Variants in PDK3 observed in about 807,000 individuals in gnomAD.
The protein encoded by PDK3 is pyruvate dehydrogenase kinase 3, also known as pyruvate dehydrogenase kinase, isozyme 3.
A neutral mutation model predicts 32.0 loss-of-function variants in PDK3; 12 were observed. The ratio of observed to expected loss-of-function variants is 0.37; its 90% CI spans 0.24 to 0.61. The LOEUF is 0.61. Among genes scored for constraint, PDK3 ranks in the 20% least tolerant of loss-of-function variants. The probability of loss-of-function intolerance (pLI) is 0.65; values close to 1 mark genes in which losing one functional copy is unlikely to be tolerated. For missense variants in PDK3, 188 were observed against 316.9 expected (o/e 0.59, Z 3.09); for synonymous variants, 122 against 116.3 (o/e 1.05, Z -0.31).
chrX:24,481,938 C>G (rs770063545), intron 1 of PDK3, among the ~76,000 whole-genome samples: 2 of 112,241 alleles, frequency 1.8e-5, no homozygotes, highest in East Asian at 5.6e-4. Flanking sequence ...AAGGAAGAGA[C>G]TATGCCAGTC....
chrX:24,480,858 A>G (rs1246053054), intron 1 of PDK3, among the ~76,000 whole-genome samples: 1 of 111,578 alleles, frequency 9.0e-6, no homozygotes, highest in Non-Finnish European at 1.9e-5. Flanking sequence ...AGGATGAATC[A>G]TATAATTTTG....
At chrX:24,483,393 C>G (rs1921310393) in intron 1 of PDK3, among the ~76,000 whole-genome samples, 1 of 111,856 alleles carries the variant, frequency 8.9e-6, no homozygotes, top group Non-Finnish European at 1.9e-5. Flanking sequence ...CTGCATAGTG[C>G]TTGTTACTCA....
At chrX:24,525,212 G>A (rs1037585382) in intron 6 of PDK3, among the ~76,000 whole-genome samples, 6 of 111,498 alleles carry the variant, frequency 5.4e-5, no homozygotes, top group African/African-American at 2.0e-4. Context: ...TCGGGATTTA[G>A]ACTCAAAAGC....
At chrX:24,501,643 C>T (rs187444708) in intron 3 of PDK3, among the ~76,000 whole-genome samples, 1 of 112,536 alleles carries the variant, frequency 8.9e-6, no homozygotes, top group Admixed American at 9.4e-5. Flanking sequence ...ACGCGGGAGG[C>T]AGAGGTTGCA....
Position 24,529,859 on chromosome X carries a change from C to T in PDK3, c.963+1673C>T, listed in dbSNP as rs537151939. On this transcript the variant is annotated intron_variant, in intron 9 of 10. Coordinates refer to ENST00000379162, the MANE Select transcript of PDK3 (RefSeq NM_005391.5). Reference sequence around the variant, plus strand: ...AAAACATAATTTCCTCATTGAGCAACTTACACTTTTACACCTTTTACACCT... The same window carrying T: ...AAAACATAATTTCCTCATTGAGCAATTTACACTTTTACACCTTTTACACCT... 1.6e-4 allele frequency among the ~76,000 whole-genome samples: 18 copies of T among 112,020 alleles called. No homozygotes were observed. In the South Asian group the frequency reaches 6.3e-3, roughly 39 times the overall value.
intron 5 of PDK3, among the ~76,000 whole-genome samples, chrX:24,514,562 G>T (rs1922205767): frequency 8.9e-6 from 1 of 111,911 alleles, no homozygotes; most frequent in African/African-American, 3.2e-5. Context: ...CTTATTATAA[G>T]TAGAATTTGC....
At chrX:24,520,038 C>T (rs2148198508) in intron 6 of PDK3, among the ~76,000 whole-genome samples, 1 of 111,539 alleles carries the variant, frequency 9.0e-6, no homozygotes, top group South Asian at 3.8e-4. Flanking sequence ...ACAAAAAATA[C>T]AAAAATTAGC....
At chrX:24,518,437 G>A (rs1462062798) in intron 5 of PDK3, among the ~76,000 whole-genome samples, 8 of 111,134 alleles carry the variant, frequency 7.2e-5, no homozygotes, top group Non-Finnish European at 1.1e-4. Flanking sequence ...GAGCCGAGAT[G>A]ACACCACTGC....
chrX:24,528,771 A>C (rs1049254336), intron 9 of PDK3, among the ~76,000 whole-genome samples: 3 of 112,376 alleles, frequency 2.7e-5, no homozygotes, highest in African/African-American at 9.7e-5. Flanking sequence ...CAGCCCTGTT[A>C]AGGCAGTGAG....
At chrX:24,501,012 C>T (rs1233100872) in intron 3 of PDK3, among the ~76,000 whole-genome samples, 1 of 108,622 alleles carries the variant, frequency 9.2e-6, no homozygotes, top group Non-Finnish European at 1.9e-5. Flanking sequence ...TTGTGAATGA[C>T]GATGGCCTAA....
At chrX:24,467,188 A>G (rs1048908747) in intron 1 of PDK3, among the ~76,000 whole-genome samples, 2 of 112,174 alleles carry the variant, frequency 1.8e-5, no homozygotes, top group African/African-American at 6.5e-5. Flanking sequence ...TCTGGAAACA[A>G]ATGTTCTAAT....
chrX:24,513,252 C>T (rs1432224958), intron 5 of PDK3, among the ~76,000 whole-genome samples: 1 of 111,390 alleles, frequency 9.0e-6, no homozygotes, highest in African/African-American at 3.3e-5. Context: ...TAAAAAATCT[C>T]CATTGGATCC....
intron 4 of PDK3, among the ~76,000 whole-genome samples, chrX:24,504,726 T>G (rs1298962986): frequency 8.9e-6 from 1 of 112,386 alleles, no homozygotes; most frequent in Non-Finnish European, 1.9e-5. Flanking sequence ...AAGTATTGTT[T>G]GTGTACACAA....
chrX:24,548,315 C>A (rs1374801884), exon 12 of PDK3: 1 of 112,316 alleles, frequency 8.9e-6, no homozygotes, highest in Non-Finnish European at 1.9e-5. Flanking sequence ...AACAACCCTG[C>A]AATTTGATTT....
rs1403386924 is a variant in PDK3 at position 24,547,893 on chromosome X, AAAAG to A, written c.*8735_*8738del. On this transcript the variant is annotated 3_prime_UTR_variant, in exon 12 of 12. Coordinates refer to the PDK3 transcript ENST00000568479. ...CTGGCTTTGCAATAAGTGTTCATTT[AAAAG>A]AAAGACATTTACAAAGGTAAAACAT... is the stretch of plus-strand genomic sequence containing the variant. 3 of 113,301 alleles carry A rather than the reference AAAAG, an allele frequency of 2.6e-5. No individual in the cohort carries two copies. In the East Asian group the frequency reaches 8.2e-4, roughly 31 times the overall value. The allele number at this position is 113,301 out of a possible 1,213,427, so 9.3% of individuals were successfully genotyped here.
chrX:24,543,536 G>A (rs760876630), exon 12 of PDK3, among the ~76,000 whole-genome samples: 2 of 110,867 alleles, frequency 1.8e-5, no homozygotes, highest in Non-Finnish European at 1.9e-5. Flanking sequence ...TGCAACCTCC[G>A]CCTCCCGGGT....
At position 24,480,558 on chromosome X, in the gene PDK3, G is replaced by A. The variant is rs369908339; in HGVS notation, c.107-14184G>A. Among the ~76,000 whole-genome samples the A allele has an allele frequency of 1.2e-4, 13 of 112,166 alleles. No homozygotes were observed. In the East Asian group the frequency reaches 2.8e-3, roughly 24 times the overall value. ...GCTGGTGCTTTTGGGTTACCCAGGC[G>A]ATTGTGTAATAATATTCTTCCAGAG... On this transcript the variant is annotated intron_variant, in intron 1 of 10. Coordinates refer to ENST00000379162, the MANE Select transcript of PDK3 (RefSeq NM_005391.5).
chrX:24,488,213 T>C (rs1318444479), intron 1 of PDK3, among the ~76,000 whole-genome samples: 2 of 111,183 alleles, frequency 1.8e-5, no homozygotes, highest in Non-Finnish European at 3.8e-5. Context: ...CTTGGCTACC[T>C]CCTGGTCCCA....
intron 1 of PDK3, among the ~76,000 whole-genome samples, chrX:24,488,925 G>T (rs769922057): frequency 2.7e-5 from 3 of 111,468 alleles, no homozygotes; most frequent in African/African-American, 9.8e-5. Flanking sequence ...GAGAAATGCA[G>T]AATAAAAATA....
Sources: allele counts gnomAD v4.1 joint callset (sites outside exome capture counted in the v4.1 genomes callset), GRCh38; gene constraint gnomAD v4.1.1; transcripts MANE v1.5; gene names NCBI Gene and HGNC (gene_info 2026-07-23, HGNC 2026-07-21).